LRRC75A: variants seen among roughly 807,000 people sequenced by gnomAD.
The protein encoded by LRRC75A is leucine rich repeat containing 75A.
A neutral mutation model predicts 26.0 loss-of-function variants in LRRC75A; 12 were observed. The observed-to-expected ratio is 0.46, with a 90% CI of 0.30 to 0.75. The LOEUF is 0.75. LRRC75A is among the 30% of genes least tolerant of loss of function. The pLI is 0.08. For synonymous variants in LRRC75A, 223 were observed against 219.3 expected, an observed-to-expected ratio of 1.02 and a Z score of -0.15; for missense variants, 410 against 486.6, an observed-to-expected ratio of 0.84 and a Z score of 1.48.
intron 1 of LRRC75A, among the ~76,000 whole-genome samples, chr17:16,464,152 T>C (rs1034181230): frequency 6.6e-6 from 1 of 152,180 alleles, no homozygotes; most frequent in Non-Finnish European, 1.5e-5. Context: ...TTGTGAGGGC[T>C]GTTTTCCATA....
chr17:16,472,418 G>A (rs370382063), intron 1 of LRRC75A, among the ~76,000 whole-genome samples: 1 of 152,194 alleles, frequency 6.6e-6, no homozygotes, highest in African/African-American at 2.4e-5. Context: ...TGAAGACCGG[G>A]ACTGAGACCC....
chr17:16,485,071 GCC>G (rs2093843326), intron 1 of LRRC75A, among the ~76,000 whole-genome samples: 1 of 151,704 alleles, frequency 6.6e-6, no homozygotes, highest in African/African-American at 2.4e-5. Context: ...GGGGGTCCCC[GCC>G]CCTGCTTGGC....
chr17:16,476,941 T>G (rs543225594), intron 1 of LRRC75A, among the ~76,000 whole-genome samples: 1 of 151,714 alleles, frequency 6.6e-6, no homozygotes, highest in African/African-American at 2.4e-5. Flanking sequence ...GGTTTCACCG[T>G]GTTAGCCAGG....
chr17:16,445,397 C>G (rs1229139857), intron 3 of LRRC75A, among the ~76,000 whole-genome samples: 1 of 152,052 alleles, frequency 6.6e-6, no homozygotes, highest in Non-Finnish European at 1.5e-5. Context: ...GATCTCCTGA[C>G]CTCATGATCA....
Position 16,451,927 on chromosome 17 carries a change from AG to A in LRRC75A, c.376-3968del, listed in dbSNP as rs941380798. Among the ~76,000 whole-genome samples, 42 of 93,898 alleles carry A rather than the reference AG, an allele frequency of 4.5e-4. No homozygotes were observed. The East Asian group carries it at 7.9e-3, about 18-fold the overall frequency. The allele number at this position is 93,898 out of a possible 152,430, so 61.6% of individuals were successfully genotyped here. On this transcript the variant is annotated intron_variant, in intron 2 of 3. Coordinates refer to ENST00000470794, the MANE Select transcript of LRRC75A (RefSeq NM_001113567.3). ...GCCCGGCTAATTTTTTTGCATTTTT[AG>A]TAGAGACGGGGGGTCTCACTGTGTT...
At chr17:16,488,811 G>A (rs2093851849) in intron 1 of LRRC75A, among the ~76,000 whole-genome samples, 1 of 152,224 alleles carries the variant, frequency 6.6e-6, no homozygotes, top group Admixed American at 6.5e-5. Flanking sequence ...TCTCCAGCAA[G>A]TGACAAGCTG....
At chr17:16,480,075 T>C (rs567968183) in intron 1 of LRRC75A, among the ~76,000 whole-genome samples, 133 of 152,326 alleles carry the variant, frequency 8.7e-4, no homozygotes, top group Admixed American at 2.2e-3. Context: ...TGCACACTTA[T>C]GAGAATCTAA....
At chr17:16,475,930 T>G (rs928514001) in intron 1 of LRRC75A, among the ~76,000 whole-genome samples, 1 of 151,998 alleles carries the variant, frequency 6.6e-6, no homozygotes, top group Non-Finnish European at 1.5e-5. Flanking sequence ...TGGTGGCTCA[T>G]GCCTGTAATC....
chr17:16,486,778 T>C (rs768943999), intron 1 of LRRC75A, among the ~76,000 whole-genome samples: 1 of 152,128 alleles, frequency 6.6e-6, no homozygotes, highest in Non-Finnish European at 1.5e-5. Flanking sequence ...TGGACATCAC[T>C]CCCAGAAATC....
At chr17:16,452,740 G>C (rs1049116223) in intron 2 of LRRC75A, among the ~76,000 whole-genome samples, 2 of 151,934 alleles carry the variant, frequency 1.3e-5, no homozygotes, top group Admixed American at 1.3e-4. Context: ...GGCCACACGG[G>C]GATTTTTAAA....
At chr17:16,448,058 C>T (rs758576943) in intron 2 of LRRC75A, 98 bp from the exon 3 acceptor site, 15 of 1,125,484 alleles carry the variant, frequency 1.3e-5, no homozygotes, top group Non-Finnish European at 1.8e-5. Flanking sequence ...CCAGCTCCCC[C>T]AGGCTGAGCT....
chr17:16,476,976 G>A (rs1420713500), intron 1 of LRRC75A, among the ~76,000 whole-genome samples: 1 of 150,914 alleles, frequency 6.6e-6, no homozygotes, highest in Non-Finnish European at 1.5e-5. Context: ...CTGACCTTGT[G>A]ATCCGCCCGC....
chr17:16,443,694 T>A lies in LRRC75A; in HGVS notation c.929A>T (p.Glu310Val). Residue 310 changes from glutamate to valine, a missense_variant, in exon 4 of 4, where the codon GAG becomes GTG. By Grantham distance (121) the Glu-to-Val change is moderately radical (BLOSUM62 -2). Transcript: ENST00000470794. ...ELGEGPGSGE[E>V]VREGTVGQED... is the part of the protein sequence containing the mutation. Reference sequence around the variant, plus strand: ...CTGGCCTACTGTCCCTTCCCGGACCTCCTCCCCACTGCCTGGGCCCTCACC... The same window carrying A: ...CTGGCCTACTGTCCCTTCCCGGACCACCTCCCCACTGCCTGGGCCCTCACC... 6.2e-7 allele frequency: 1 copy of A among 1,609,886 alleles called. No homozygotes were observed.
chr17:16,472,886 G>A (rs1257835788), intron 1 of LRRC75A, among the ~76,000 whole-genome samples: 3 of 152,124 alleles, frequency 2.0e-5, no homozygotes, highest in African/African-American at 7.2e-5. Flanking sequence ...TTTTTAGGAT[G>A]AGTATTTATA....
intron 1 of LRRC75A, among the ~76,000 whole-genome samples, chr17:16,468,673 C>G (rs1002322279): frequency 5.3e-5 from 8 of 152,202 alleles, no homozygotes; most frequent in East Asian, 1.9e-4. Context: ...CACCACTGAG[C>G]TGTATGCTTA....
At chr17:16,458,560 G>A (rs932996640) in intron 2 of LRRC75A, among the ~76,000 whole-genome samples, 10 of 152,074 alleles carry the variant, frequency 6.6e-5, no homozygotes, top group Admixed American at 3.3e-4. Flanking sequence ...CCGCCTGCCG[G>A]GTTCCAGTGA....
Position 16,443,454 on chromosome 17 carries a change from C to A in LRRC75A, c.*134G>T. 1.3e-6 allele frequency: 1 copy of A among 757,860 alleles called. No homozygotes were observed. Among genetic ancestry groups the A allele is most frequent in the Non-Finnish European group, 2.0e-6 (1 of 489,418 alleles). The allele number at this position is 757,860 out of a possible 1,614,324, so 46.9% of individuals were successfully genotyped here. A position where few individuals can be genotyped will look rare whatever the true frequency, so the allele number is the denominator to read the frequency against. ...CCCTTCCCCAGATGATATGGTTTGC[C>A]TTTCTGTAGGTGGGTGGCCCAGGCC... is the stretch of plus-strand genomic sequence containing the variant. On this transcript the variant is annotated 3_prime_UTR_variant, in exon 4 of 4. Coordinates refer to ENST00000470794, the MANE Select transcript of LRRC75A (RefSeq NM_001113567.3).
Position 16,447,826 on chromosome 17 carries a change from C to A in LRRC75A, c.491+19G>T. 1 of 1,519,712 alleles carries A rather than the reference C, an allele frequency of 6.6e-7. No individual in the cohort carries two copies. Among genetic ancestry groups the A allele is most frequent in the Non-Finnish European group, 8.9e-7 (1 of 1,126,950 alleles). The allele number at this position is 1,519,712 out of a possible 1,614,324, so 94.1% of individuals were successfully genotyped here. A position where few individuals can be genotyped will look rare whatever the true frequency, so the allele number is the denominator to read the frequency against. On this transcript the variant is annotated intron_variant, in intron 3 of 3. Transcript: ENST00000470794. ...CACACTCAGCCTGGCATAGACCTGC[C>A]CGGGGGAGTGTAACTCACCAGGCCT...
At position 16,443,498 on chromosome 17, in the gene LRRC75A, T is replaced by C; in HGVS notation, c.*90A>G. The C allele has an allele frequency of 7.8e-7, 1 of 1,283,268 alleles. No individual in the cohort carries two copies. The allele number at this position is 1,283,268 out of a possible 1,614,324, so 79.5% of individuals were successfully genotyped here. ...CCAGGCCAATTTTTGGCAATATCCT[T>C]AACCCACCTGATAGGAGAAGCGCCC... is the stretch of plus-strand genomic sequence containing the variant. On this transcript the variant is annotated 3_prime_UTR_variant, in exon 4 of 4. Transcript: ENST00000470794.
Sources: allele counts gnomAD v4.1 joint callset (sites outside exome capture counted in the v4.1 genomes callset), GRCh38; gene constraint gnomAD v4.1.1; transcripts MANE v1.5; gene names NCBI Gene and HGNC (gene_info 2026-07-23, HGNC 2026-07-21).